The following WDFY2 variants were observed in gnomAD, a reference collection of about 807,000 sequenced individuals.
WDFY2 encodes the protein WD repeat and FYVE domain-containing protein 2.
Under a neutral mutation model 56.4 loss-of-function variants are expected in WDFY2, and 36 were observed. That is an observed-to-expected ratio of 0.64 (90% CI 0.49 to 0.84). WDFY2 has a LOEUF of 0.84. Among genes scored for constraint, WDFY2 ranks in the 40% least tolerant of loss-of-function variants. WDFY2 has a pLI of 0.00. For missense variants in WDFY2, 444 were observed against 512.2 expected (o/e 0.87, Z 1.29); for synonymous variants, 176 against 183.7 (o/e 0.96, Z 0.34).
chr13:51,610,039 C>T (rs975867612), intron 1 of WDFY2, among the ~76,000 whole-genome samples: 4 of 152,072 alleles, frequency 2.6e-5, no homozygotes, highest in Admixed American at 1.3e-4. Context: ...CAGAGGGTAG[C>T]GCTGAAAAAG....
intron 1 of WDFY2, among the ~76,000 whole-genome samples, chr13:51,600,757 A>G (rs1391490040): frequency 6.6e-6 from 1 of 152,140 alleles, no homozygotes; most frequent in Non-Finnish European, 1.5e-5. Flanking sequence ...AAGATAAGCA[A>G]TCCAGTAGGT....
At chr13:51,708,571 C>G (rs1952139623) in intron 4 of WDFY2, among the ~76,000 whole-genome samples, 1 of 133,178 alleles carries the variant, frequency 7.5e-6, no homozygotes, top group African/African-American at 2.5e-5. Context: ...TATAGTAATT[C>G]CCAATTAATT....
intron 3 of WDFY2, among the ~76,000 whole-genome samples, chr13:51,691,208 C>T (rs1026180706): frequency 1.3e-5 from 2 of 151,998 alleles, no homozygotes; most frequent in Non-Finnish European, 2.9e-5. Flanking sequence ...TAATTGGATC[C>T]CGTTTGTCAA....
chr13:51,698,594 A>T (rs1274547233), intron 3 of WDFY2, among the ~76,000 whole-genome samples: 1 of 152,246 alleles, frequency 6.6e-6, no homozygotes, highest in East Asian at 1.9e-4. Context: ...TGCTATTAAT[A>T]CACGTGTATC....
intron 3 of WDFY2, among the ~76,000 whole-genome samples, chr13:51,703,334 A>G (rs1952021355): frequency 6.6e-6 from 1 of 152,234 alleles, no homozygotes; most frequent in Admixed American, 6.5e-5. Flanking sequence ...ATCGACCGGT[A>G]TCAAGATGCT....
chr13:51,614,186 C>CAAAAAA (rs771044291), intron 1 of WDFY2, among the ~76,000 whole-genome samples: 1 of 60,948 alleles, frequency 1.6e-5, no homozygotes, highest in African/African-American at 7.0e-5. Context: ...ACTCGGTCTC[C>CAAAAAA]AAAAAAAAAA....
chr13:51,713,502 C>G (rs1454325415), intron 4 of WDFY2, among the ~76,000 whole-genome samples: 5 of 152,146 alleles, frequency 3.3e-5, no homozygotes, highest in Non-Finnish European at 7.3e-5. Context: ...GAATATTATT[C>G]AACCTTAAAA....
At position 51,602,022 on chromosome 13, in the gene WDFY2, C is replaced by T. The variant is rs114324206; in HGVS notation, c.137+17198C>T. Among the ~76,000 whole-genome samples the T allele has an allele frequency of 2.0e-5, 3 of 152,312 alleles. No individual in the cohort carries two copies. In the South Asian group the frequency reaches 6.2e-4, roughly 32 times the overall value. On this transcript the variant is annotated intron_variant, in intron 1 of 11. Coordinates refer to ENST00000298125, the MANE Select transcript of WDFY2 (RefSeq NM_052950.4). ...TTACTTGCTGTGAGTATTGGCATTACACAATTGTAGATATGACTTTGAGTT... is the reference window on the plus strand; with the variant it reads ...TTACTTGCTGTGAGTATTGGCATTATACAATTGTAGATATGACTTTGAGTT...
At chr13:51,743,204 A>G (rs1361178623) in intron 7 of WDFY2, among the ~76,000 whole-genome samples, 1 of 152,230 alleles carries the variant, frequency 6.6e-6, no homozygotes, top group Non-Finnish European at 1.5e-5. Context: ...CACATAATAG[A>G]TCAAAATATC....
At chr13:51,685,412 C>T (rs1353294523) in intron 3 of WDFY2, among the ~76,000 whole-genome samples, 2 of 152,132 alleles carry the variant, frequency 1.3e-5, no homozygotes, top group African/African-American at 4.8e-5. Context: ...TTTTGATTGC[C>T]CAAAAACTTA....
At chr13:51,706,892 T>C (rs931554855) in intron 4 of WDFY2, among the ~76,000 whole-genome samples, 1 of 151,898 alleles carries the variant, frequency 6.6e-6, no homozygotes, top group African/African-American at 2.4e-5. Context: ...ATGATTGGAG[T>C]ACCAAGAATC....
At chr13:51,612,472 TAGA>T (rs1466810552) in intron 1 of WDFY2, among the ~76,000 whole-genome samples, 4 of 152,254 alleles carry the variant, frequency 2.6e-5, no homozygotes, top group Admixed American at 2.6e-4. Context: ...AATTAACACT[TAGA>T]AGTCTTTTTA....
intron 1 of WDFY2, among the ~76,000 whole-genome samples, chr13:51,656,192 A>C (rs1269390017): frequency 2.6e-5 from 4 of 151,128 alleles, no homozygotes; most frequent in Non-Finnish European, 5.9e-5. Context: ...ATTTATAGCT[A>C]TACATTTCTT....
intron 10 of WDFY2, among the ~76,000 whole-genome samples, chr13:51,757,435 C>CTAT (rs1203733749): frequency 6.7e-6 from 1 of 150,280 alleles, no homozygotes; most frequent in African/African-American, 2.5e-5. Flanking sequence ...ATCTATCCTG[C>CTAT]AGATTTAGCT....
chr13:51,620,251 A>C (rs1593888164), intron 1 of WDFY2, among the ~76,000 whole-genome samples: 1 of 152,174 alleles, frequency 6.6e-6, no homozygotes, highest in East Asian at 1.9e-4. Flanking sequence ...GGGTGGATGG[A>C]ATCCATAGAC....
chr13:51,765,828 G>A lies in WDFY2; in HGVS notation c.*6059G>A, dbSNP rs1953729196. The A allele has an allele frequency of 6.6e-6, 1 of 152,072 alleles. No homozygotes were observed. The highest frequency in any genetic ancestry group is 6.5e-5 in the Admixed American group (1 of 15,280). 9.4% of individuals were successfully genotyped at this position (152,072 alleles called of 1,614,324 possible). A position where few individuals can be genotyped will look rare whatever the true frequency, so the allele number is the denominator to read the frequency against. On this transcript the variant is annotated 3_prime_UTR_variant, in exon 12 of 12. Transcript: ENST00000298125. ...GATGGTAAGGGTGGAAATTAATCAT[G>A]GTACCATCTCATTAAAAATAGATAC...
chr13:51,611,507 T>C (rs1056571415), intron 1 of WDFY2, among the ~76,000 whole-genome samples: 7 of 152,260 alleles, frequency 4.6e-5, no homozygotes, highest in African/African-American at 1.7e-4. Flanking sequence ...TTTTATACTT[T>C]GCAGTTTTTT....
At position 51,759,912 on chromosome 13, in the gene WDFY2, G is replaced by A. The variant is rs1953527412; in HGVS notation, c.*143G>A. 2.4e-6 allele frequency: 2 copies of A among 836,554 alleles called. No individual in the cohort carries two copies. Among genetic ancestry groups the A allele is most frequent in the Admixed American group, 2.5e-5 (1 of 39,410 alleles). The allele number at this position is 836,554 out of a possible 1,614,324, so 51.8% of individuals were successfully genotyped here. A position where few individuals can be genotyped will look rare whatever the true frequency, so the allele number is the denominator to read the frequency against. On this transcript the variant is annotated 3_prime_UTR_variant, in exon 12 of 12. Transcript: ENST00000298125. ...GAATGAATTTGCAGATTACCCATGT[G>A]CACAGTGGGGACCTGGCCAGTGAGC...
chr13:51,647,815 G>A (rs2138418667), intron 1 of WDFY2, among the ~76,000 whole-genome samples: 1 of 151,154 alleles, frequency 6.6e-6, no homozygotes, highest in Admixed American at 6.6e-5. Context: ...TATATATGTG[G>A]TCCAATGTTG....
Sources: allele counts gnomAD v4.1 joint callset (sites outside exome capture counted in the v4.1 genomes callset), GRCh38; gene constraint gnomAD v4.1.1; transcripts MANE v1.5; gene names NCBI Gene and HGNC (gene_info 2026-07-23, HGNC 2026-07-21).